Variants in JADE1 observed in about 807,000 individuals in gnomAD.
JADE1 encodes jade family PHD finger 1.
A neutral mutation model predicts 81.8 loss-of-function variants in JADE1; 14 were observed. The ratio of observed to expected loss-of-function variants is 0.17; its 90% CI spans 0.11 to 0.27. The LOEUF is 0.27. Among genes scored for constraint, JADE1 ranks in the 10% least tolerant of loss-of-function variants. The probability of loss-of-function intolerance (pLI) is 1.00; values close to 1 mark genes in which losing one functional copy is unlikely to be tolerated. For synonymous variants in JADE1, 353 were observed against 391.9 expected (o/e 0.90, Z 1.17); for missense variants, 690 against 1,047.9 (o/e 0.66, Z 4.71).
At chr4:128,845,552 C>T (rs946038823) in intron 3 of JADE1, among the ~76,000 whole-genome samples, 11 of 152,142 alleles carry the variant, frequency 7.2e-5, no homozygotes, top group Non-Finnish European at 1.2e-4. Flanking sequence ...CTTGACTTCA[C>T]CAGCTACCAT....
intron 2 of JADE1, among the ~76,000 whole-genome samples, chr4:128,840,621 G>C (rs572651151): frequency 1.1e-3 from 171 of 152,234 alleles, no homozygotes; most frequent in Middle Eastern, 3.4e-3. Flanking sequence ...CCTCTTTATA[G>C]ACCCTAGGAG....
chr4:128,827,824 TAAACC>T, intron 1 of JADE1: 5 of 974,044 alleles, frequency 5.1e-6, no homozygotes, highest in Non-Finnish European at 6.1e-6. Context: ...TATGAATCAG[TAAACC>T]TTGGCAATTG....
At chr4:128,831,558 G>T in intron 1 of JADE1, 175 bp from the exon 2 acceptor site, 2 of 570,490 alleles carry the variant, frequency 3.5e-6, no homozygotes, top group South Asian at 2.2e-5. Context: ...AACCTGGTTT[G>T]TTAATGATTG....
At chr4:128,810,815 C>T (rs900694844) in intron 1 of JADE1, among the ~76,000 whole-genome samples, 2 of 152,052 alleles carry the variant, frequency 1.3e-5, no homozygotes, top group African/African-American at 4.8e-5. Flanking sequence ...CTTTTACTTA[C>T]AGCGCGACTG....
Position 128,846,002 on chromosome 4 carries a change from T to C in JADE1, c.139-373T>C, listed in dbSNP as rs1325327947. ...TTGTTACATGGTTAGTGGAGTTATA[T>C]TTCTAGAGCACCCTTGAGTGCAGTA... On this transcript the variant is annotated intron_variant, in intron 3 of 10. Transcript: ENST00000226319. The surrounding 1 kb of genome is among the most constrained non-coding windows in gnomAD (Gnocchi z 4.0). Among the ~76,000 whole-genome samples the C allele has an allele frequency of 6.6e-6, 1 of 152,116 alleles. No homozygotes were observed. The highest frequency in any genetic ancestry group is 2.4e-5 in the African/African-American group (1 of 41,402).
intron 4 of JADE1, among the ~76,000 whole-genome samples, chr4:128,847,719 G>A (rs1245011597): frequency 6.6e-6 from 1 of 152,216 alleles, no homozygotes; most frequent in African/African-American, 2.4e-5. Context: ...TAAAGTTGGA[G>A]CCCTGAGCAA....
At chr4:128,825,131 C>G (rs1182728385) in intron 1 of JADE1, among the ~76,000 whole-genome samples, 2 of 152,150 alleles carry the variant, frequency 1.3e-5, no homozygotes, top group Non-Finnish European at 2.9e-5. Flanking sequence ...CCTCTGCCTC[C>G]CGGGTTCAAG....
intron 8 of JADE1, among the ~76,000 whole-genome samples, chr4:128,861,088 A>T (rs537870519): frequency 1.3e-5 from 2 of 152,158 alleles, no homozygotes; most frequent in Non-Finnish European, 2.9e-5. Context: ...GTCAGGATTT[A>T]TGTTCAAACT....
intron 1 of JADE1, among the ~76,000 whole-genome samples, chr4:128,819,047 A>G (rs1727310673): frequency 1.3e-5 from 2 of 152,030 alleles, no homozygotes; most frequent in African/African-American, 4.8e-5. Flanking sequence ...TTTGTTCTCG[A>G]ACTCCTGAGC....
chr4:128,868,508 A>G (rs1560782137), intron 10 of JADE1, among the ~76,000 whole-genome samples: 1 of 152,082 alleles, frequency 6.6e-6, no homozygotes, highest in Non-Finnish European at 1.5e-5. Flanking sequence ...TGAGCACCAA[A>G]TATTTATTTA....
intron 1 of JADE1, among the ~76,000 whole-genome samples, chr4:128,830,799 C>T (rs1404650768): frequency 6.6e-6 from 1 of 152,210 alleles, no homozygotes; most frequent in Non-Finnish European, 1.5e-5. Context: ...AACCGCGAGA[C>T]CATCTGTATA....
intron 1 of JADE1, among the ~76,000 whole-genome samples, chr4:128,822,526 A>C (rs1447438782): frequency 6.6e-6 from 1 of 151,792 alleles, no homozygotes; most frequent in Non-Finnish European, 1.5e-5. Flanking sequence ...AGCCTGACCA[A>C]CATGGAGAAA....
chr4:128,822,017 T>C (rs1429204143), intron 1 of JADE1, among the ~76,000 whole-genome samples: 1 of 152,242 alleles, frequency 6.6e-6, no homozygotes, highest in Non-Finnish European at 1.5e-5. Context: ...TTTTCTCTTT[T>C]TTTTCTTCTG....
At chr4:128,818,795 A>G (rs986596544) in intron 1 of JADE1, among the ~76,000 whole-genome samples, 8 of 152,348 alleles carry the variant, frequency 5.3e-5, no homozygotes, top group South Asian at 4.1e-4. Context: ...CCATTTCAAT[A>G]TGTGAAAATC....
intron 7 of JADE1, among the ~76,000 whole-genome samples, chr4:128,856,424 T>G (rs1730801677): frequency 1.3e-5 from 2 of 152,178 alleles, no homozygotes; most frequent in African/African-American, 4.8e-5. Context: ...GGAGCAGACC[T>G]GTAGCACTTA....
intron 8 of JADE1, 111 bp from the exon 9 acceptor site, chr4:128,861,593 A>C (rs1196038555): frequency 8.3e-7 from 1 of 1,202,414 alleles, no homozygotes; most frequent in Non-Finnish European, 1.2e-6. Context: ...CACATGCTTG[A>C]AGCATGGCTC....
intron 8 of JADE1, among the ~76,000 whole-genome samples, chr4:128,859,203 T>TGTGA (rs199762677): frequency 0.022 from 3,397 of 152,070 alleles, 107 homozygotes; most frequent in African/African-American, 0.074. Flanking sequence ...TGAGTGTGTG[T>TGTGA]GTATGGGTGT....
Position 128,864,005 on chromosome 4 carries a change from C to T in JADE1, c.1503+1780C>T, listed in dbSNP as rs1731586930. The stretch of plus-strand genomic sequence containing the variant: ...TAATTCTAAACATTTTTTTTGGAGT[C>T]ATCACTGTCGCTGTTTAAGTAGAAC... On this transcript the variant is annotated intron_variant, in intron 9 of 10. Coordinates refer to ENST00000226319, the MANE Select transcript of JADE1 (RefSeq NM_199320.4). The T allele has an allele frequency of 6.1e-6, 6 of 985,130 alleles. No homozygotes were observed. The South Asian group carries it at 2.3e-4, about 39-fold the overall frequency. 61.0% of individuals were successfully genotyped at this position (985,130 alleles called of 1,614,324 possible). A position where few individuals can be genotyped will look rare whatever the true frequency, so the allele number is the denominator to read the frequency against.
rs1727867178 is a variant in JADE1 at position 128,824,461 on chromosome 4, T to TCC, written c.-26-7272_-26-7271insCC. On this transcript the variant is annotated intron_variant, in intron 1 of 10. Coordinates refer to ENST00000226319, the MANE Select transcript of JADE1 (RefSeq NM_199320.4). ...GAGAAAGGAGTAGCTCATAAAATAC[T>TCC]TAGTTTTATATAAGACCACCTGGTT... Among the ~76,000 whole-genome samples the TCC allele has an allele frequency of 2.0e-5, 3 of 152,090 alleles. No individual in the cohort carries two copies. The South Asian group carries it at 6.2e-4, about 31-fold the overall frequency.
Sources: gnomAD v4.1 joint callset for allele counts (sites outside exome capture counted in the v4.1 genomes callset) on GRCh38, gnomAD v4.1.1 for gene constraint, Gnocchi (gnomAD v3.1) non-coding constraint, MANE v1.5 for transcripts, NCBI Gene and HGNC (gene_info 2026-07-23, HGNC 2026-07-21) for gene names.